Variants in ACTN2 observed in about 807,000 individuals in gnomAD.
ACTN2 encodes actinin alpha 2.
ACTN2 carries 39 observed loss-of-function variants against 113.8 expected under a neutral mutation model. The ratio of observed to expected loss-of-function variants is 0.34; its 90% CI spans 0.27 to 0.45. The LOEUF (loss-of-function observed/expected upper bound fraction) is 0.45. Among genes scored for constraint, ACTN2 ranks in the 20% least tolerant of loss-of-function variants. The pLI is 1.00. For synonymous variants in ACTN2, 429 were observed against 444.1 expected, an observed-to-expected ratio of 0.97 and a Z score of 0.43; for missense variants, 992 against 1,177.9, an observed-to-expected ratio of 0.84 and a Z score of 2.31.
At position 236,754,349 on chromosome 1, in the gene ACTN2, GGTGA is replaced by G. The variant is rs1453711847; in HGVS notation, c.1974+269_1974+272del. On this transcript the variant is annotated intron_variant, in intron 16 of 20. Transcript: ENST00000366578. This position sits in a 1 kb window ranked among gnomAD's most constrained non-coding sequence, Gnocchi z 4.9. The stretch of plus-strand genomic sequence containing the variant: ...TTCTGTTTATTTTCTCACTAAAAAT[GGTGA>G]CAGGGCTTTCTCCGTTTTTGGCCTC... 7.9e-5 allele frequency among the ~76,000 whole-genome samples: 12 copies of G among 152,340 alleles called. 1 individual carries two copies. The South Asian group carries it at 2.5e-3, about 32-fold the overall frequency.
In ACTN2 at chr1:236,742,938, G is replaced by A; in HGVS notation, c.1150G>A (p.Gly384Ser). ...GCAGAGGCTGGAGCAGGCTGAGAAG[G>A]GTTACGAGGAGTGGTTGCTCAATGA... is the stretch of plus-strand genomic sequence containing the variant. ...AWQRLEQAEK[G>S]YEEWLLNEIR... The change falls in exon 11 of 21, where the codon GGT becomes AGT. Residue 384 changes from glycine (G) to serine (S), a missense_variant. Around this residue, in one of 3 missense-constraint regions of ACTN2, gnomAD observed 736 missense variants for 815.4 expected, o/e 0.90. Coordinates refer to ENST00000366578, the MANE Select transcript of ACTN2 (RefSeq NM_001103.4). The A allele has an allele frequency of 1.2e-6, 2 of 1,614,192 alleles. No homozygotes were observed. Among genetic ancestry groups the A allele is most frequent in the Non-Finnish European group, 1.7e-6 (2 of 1,180,040 alleles).
chr1:236,725,454 C>T (rs1934690), intron 4 of ACTN2, among the ~76,000 whole-genome samples: 5,692 of 152,080 alleles, frequency 0.037, 302 homozygotes, highest in African/African-American at 0.12. Context: ...GTGGCAAAAT[C>T]CTGTCTCTAC....
intron 9 of ACTN2, among the ~76,000 whole-genome samples, 180 bp from the exon 10 acceptor site, chr1:236,739,122 C>G (rs1658985403): frequency 6.6e-6 from 1 of 152,134 alleles, no homozygotes; most frequent in Admixed American, 6.6e-5. Flanking sequence ...GGGGTGATCA[C>G]TCGCGGCCAT....
chr1:236,701,103 T>C (rs1397459591), intron 1 of ACTN2, among the ~76,000 whole-genome samples: 1 of 152,170 alleles, frequency 6.6e-6, no homozygotes, highest in Non-Finnish European at 1.5e-5. Context: ...TCCCAGTTTG[T>C]GGCTTTTGTC....
In ACTN2 at chr1:236,735,699, C is replaced by T. The variant is rs397516584; in HGVS notation, c.762C>T (p.His254=). Residue 254 remains histidine (H), a synonymous_variant, in exon 8 of 21, where the codon CAC becomes CAT. Transcript: ENST00000366578. Reference sequence around the variant, plus strand: ...TGACGTACGTCTCTTGCTTCTACCACGCTTTTGCGGGCGCGGAGCAGGTAC... The same window carrying T: ...TGACGTACGTCTCTTGCTTCTACCATGCTTTTGCGGGCGCGGAGCAGGTAC... ...AIMTYVSCFY[H]AFAGAEQAET... is the part of the protein sequence containing the mutation. 37 of 1,614,198 alleles carry T rather than the reference C, an allele frequency of 2.3e-5. No homozygotes were observed. The highest frequency in any genetic ancestry group is 6.7e-5 in the East Asian group (3 of 44,882).
chr1:236,703,433 C>CTTTTTTTTTTTT (rs35432183), intron 1 of ACTN2, among the ~76,000 whole-genome samples: 5 of 98,830 alleles, frequency 5.1e-5, no homozygotes, highest in East Asian at 3.0e-4. Flanking sequence ...GGCCTACTAC[C>CTTTTTTTTTTTT]TTTTTTTTTT....
Position 236,739,304 on chromosome 1 carries a change from T to G in ACTN2, c.879T>G (p.Leu293=). 6.2e-7 allele frequency: 1 copy of G among 1,613,972 alleles called. No homozygotes were observed. The highest frequency in any genetic ancestry group is 8.5e-7 in the Non-Finnish European group (1 of 1,179,986). The part of the protein sequence containing the change: ...MEEYERLASE[L]LEWIRRTIPW... ...GTATTTTTGTGTTTGCGGAGCAGCTTTTGGAATGGATTCGTCGCACGATCC... is the reference window on the plus strand; with the variant it reads ...GTATTTTTGTGTTTGCGGAGCAGCTGTTGGAATGGATTCGTCGCACGATCC... Residue 293 remains leucine (L), a splice_region_variant and synonymous_variant, in exon 10 of 21, where the codon CTT becomes CTG. Coordinates refer to ENST00000366578, the MANE Select transcript of ACTN2 (RefSeq NM_001103.4).
chr1:236,717,541 A>G (rs1334345992), intron 1 of ACTN2, among the ~76,000 whole-genome samples: 2 of 152,206 alleles, frequency 1.3e-5, no homozygotes, highest in Non-Finnish European at 2.9e-5. Context: ...AATTTAATCT[A>G]TCTTTTCTAC....
chr1:236,753,216 A>G (rs1337910030), intron 15 of ACTN2, among the ~76,000 whole-genome samples: 1 of 152,222 alleles, frequency 6.6e-6, no homozygotes. Context: ...TCTGATAATA[A>G]TGTTTGTAAA....
chr1:236,712,956 G>A (rs1365790507), intron 1 of ACTN2, among the ~76,000 whole-genome samples: 1 of 145,410 alleles, frequency 6.9e-6, no homozygotes, highest in Non-Finnish European at 1.5e-5. Context: ...ATTCTTTTGT[G>A]CCTTTCCCAA....
chr1:236,764,184 A>G lies in ACTN2; in HGVS notation c.*1565A>G, dbSNP rs1049298660. On this transcript the variant is annotated 3_prime_UTR_variant, in exon 21 of 21. Coordinates refer to ENST00000366578, the MANE Select transcript of ACTN2 (RefSeq NM_001103.4). ...AGAACCTTCAACCTTTATGAATTTC[A>G]CTTAATTTGCTTCATTATTAAGTAA... 1 of 152,092 alleles carries G rather than the reference A, an allele frequency of 6.6e-6. No individual in the cohort carries two copies. The highest frequency in any genetic ancestry group is 1.5e-5 in the Non-Finnish European group (1 of 68,026). 9.4% of individuals were successfully genotyped at this position (152,092 alleles called of 1,614,324 possible). A position where few individuals can be genotyped will look rare whatever the true frequency, so the allele number is the denominator to read the frequency against.
At chr1:236,712,978 T>A (rs928078707) in intron 1 of ACTN2, among the ~76,000 whole-genome samples, 3 of 151,826 alleles carry the variant, frequency 2.0e-5, no homozygotes, top group Admixed American at 6.6e-5. Flanking sequence ...AACTCAGGTA[T>A]GTGATTAGTC....
intron 4 of ACTN2, among the ~76,000 whole-genome samples, chr1:236,723,238 A>G (rs2102900945): frequency 6.6e-6 from 1 of 152,364 alleles, no homozygotes; most frequent in Admixed American, 6.5e-5. Flanking sequence ...GACAGGCAGA[A>G]CAACTGGCTG....
intron 1 of ACTN2, among the ~76,000 whole-genome samples, chr1:236,706,226 A>G (rs1222668215): frequency 1.3e-5 from 2 of 152,012 alleles, no homozygotes; most frequent in African/African-American, 4.8e-5. Context: ...GCAGATACAC[A>G]TTTTTAGCTT....
At chr1:236,686,969 C>T (rs1344732715) in intron 1 of ACTN2, among the ~76,000 whole-genome samples, 170 bp downstream of exon 1, 1 of 152,074 alleles carries the variant, frequency 6.6e-6, no homozygotes, top group Admixed American at 6.5e-5. Flanking sequence ...AGGACACGTC[C>T]GGGGACAGGC....
intron 4 of ACTN2, among the ~76,000 whole-genome samples, chr1:236,722,646 A>AAG (rs893872329): frequency 2.6e-5 from 4 of 151,626 alleles, no homozygotes; most frequent in South Asian, 2.1e-4. Flanking sequence ...AAAAAAAAAA[A>AAG]AAAAAGAAAA....
chr1:236,691,740 G>T (rs1391649403), intron 1 of ACTN2, among the ~76,000 whole-genome samples: 1 of 152,204 alleles, frequency 6.6e-6, no homozygotes, highest in African/African-American at 2.4e-5. Flanking sequence ...TTCATCAAGA[G>T]ATGGGAGAAG....
At chr1:236,724,495 T>G (rs1340515500) in intron 4 of ACTN2, among the ~76,000 whole-genome samples, 2 of 152,254 alleles carry the variant, frequency 1.3e-5, no homozygotes, top group Non-Finnish European at 2.9e-5. Flanking sequence ...AGCTCCTGGC[T>G]GACACCTGGG....
Position 236,734,940 on chromosome 1 carries a change from T to C in ACTN2, c.698-695T>C, listed in dbSNP as rs567031541. On this transcript the variant is annotated intron_variant, in intron 7 of 20. Transcript: ENST00000366578. Reference sequence around the variant, plus strand: ...GAAAGGATGTAGGTTTTCATGGTTCTGTTTTCTGTCTTCCTTTTGGCTGTT... The same window carrying C: ...GAAAGGATGTAGGTTTTCATGGTTCCGTTTTCTGTCTTCCTTTTGGCTGTT... 2.6e-5 allele frequency among the ~76,000 whole-genome samples: 4 copies of C among 152,394 alleles called. No individual in the cohort carries two copies. The South Asian group carries it at 8.3e-4, about 32-fold the overall frequency.
Sources: allele counts gnomAD v4.1 joint callset (sites outside exome capture counted in the v4.1 genomes callset), GRCh38; gene constraint gnomAD v4.1.1; regional missense constraint gnomAD v4.1.1; non-coding constraint Gnocchi (gnomAD v3.1); transcripts MANE v1.5; gene names NCBI Gene and HGNC (gene_info 2026-07-23, HGNC 2026-07-21).